The following EPHX2 variants were observed in gnomAD, a reference collection of about 807,000 sequenced individuals.
The protein encoded by EPHX2 is bifunctional epoxide hydrolase 2.
A neutral mutation model predicts 78.7 loss-of-function variants in EPHX2; 74 were observed. That is an observed-to-expected ratio of 0.94 (90% CI 0.78 to 1.14). EPHX2 has a LOEUF of 1.14. Among genes scored for constraint, EPHX2 ranks in the 50% most tolerant of loss-of-function variants. The probability of loss-of-function intolerance (pLI) is 0.00; values close to 1 mark genes in which losing one functional copy is unlikely to be tolerated. For synonymous variants in EPHX2, 251 were observed against 255.2 expected (o/e 0.98, Z 0.16); for missense variants, 715 against 702.5 (o/e 1.02, Z -0.20).
In EPHX2 at chr8:27,541,545, G is replaced by C. The variant is rs1174707241; in HGVS notation, c.1449+3G>C. ...CTTGCAAAAGCTTGGGACGGAAGGT[G>C]AGTGCCAGGTTCAGTGTAGTCTCAT... is the stretch of plus-strand genomic sequence containing the variant. On this transcript the variant is annotated splice_donor_region_variant and intron_variant, in intron 16 of 18. Coordinates refer to ENST00000521400, the MANE Select transcript of EPHX2 (RefSeq NM_001979.6). 6.2e-7 allele frequency: 1 copy of C among 1,614,244 alleles called. No individual in the cohort carries two copies.
intron 12 of EPHX2, among the ~76,000 whole-genome samples, chr8:27,535,529 G>C (rs1815185068): frequency 6.6e-6 from 1 of 152,150 alleles, no homozygotes; most frequent in Non-Finnish European, 1.5e-5. Context: ...CTCCAGGACA[G>C]CTGTTTTCTC....
At chr8:27,500,059 C>T (rs1813708667) in intron 1 of EPHX2, among the ~76,000 whole-genome samples, 1 of 152,204 alleles carries the variant, frequency 6.6e-6, no homozygotes, top group South Asian at 2.1e-4. Flanking sequence ...ACAACCCAGC[C>T]TTAACACAGT....
intron 10 of EPHX2, among the ~76,000 whole-genome samples, chr8:27,522,197 A>G (rs1814672697): frequency 6.6e-6 from 1 of 152,218 alleles, no homozygotes; most frequent in Non-Finnish European, 1.5e-5. Flanking sequence ...GAAGGAACCC[A>G]TGGCCTGTGG....
At chr8:27,533,805 G>A (rs1026221716) in intron 12 of EPHX2, among the ~76,000 whole-genome samples, 1 of 152,026 alleles carries the variant, frequency 6.6e-6, no homozygotes, top group Non-Finnish European at 1.5e-5. Flanking sequence ...GTTCAGGCTG[G>A]TCTTGAACTC....
chr8:27,497,555 C>T (rs919414952), intron 1 of EPHX2, among the ~76,000 whole-genome samples: 2 of 152,118 alleles, frequency 1.3e-5, no homozygotes, highest in African/African-American at 4.8e-5. Flanking sequence ...CCAAGGTTGC[C>T]AGGTTTAATT....
chr8:27,512,464 T>A (rs533508110), intron 6 of EPHX2, among the ~76,000 whole-genome samples: 1 of 152,366 alleles, frequency 6.6e-6, no homozygotes, highest in South Asian at 2.1e-4. Context: ...GGAGCCCACA[T>A]TGAGGGCAAA....
intron 12 of EPHX2, among the ~76,000 whole-genome samples, chr8:27,533,516 C>T (rs987404285): frequency 6.6e-6 from 1 of 152,170 alleles, no homozygotes; most frequent in African/African-American, 2.4e-5. Context: ...TTTCTGGCTC[C>T]CAGCTTCATC....
intron 14 of EPHX2, among the ~76,000 whole-genome samples, chr8:27,540,176 A>G (rs1320326148): frequency 6.6e-6 from 1 of 152,142 alleles, no homozygotes; most frequent in Non-Finnish European, 1.5e-5. Flanking sequence ...CGATATCTCC[A>G]AAGGGCCACA....
intron 13 of EPHX2, among the ~76,000 whole-genome samples, 158 bp downstream of exon 13, chr8:27,537,013 T>TA (rs1815235845): frequency 1.3e-5 from 2 of 152,200 alleles, no homozygotes; most frequent in African/African-American, 4.8e-5. Context: ...TGGGAAAATT[T>TA]ACATCCTCGT....
At chr8:27,520,775 T>G in intron 9 of EPHX2, 108 bp from the exon 10 acceptor site, 1 of 1,318,000 alleles carries the variant, frequency 7.6e-7, no homozygotes, top group Middle Eastern at 1.8e-4. Context: ...CCCTGGGGGT[T>G]AGGACTTCAA....
At chr8:27,512,998 A>T (rs917144106) in intron 6 of EPHX2, among the ~76,000 whole-genome samples, 1 of 152,128 alleles carries the variant, frequency 6.6e-6, no homozygotes, top group Non-Finnish European at 1.5e-5. Flanking sequence ...GACCTTGGGG[A>T]CCCTTGCTGT....
In EPHX2 at chr8:27,518,073, G is replaced by T. The variant is rs1036564154; in HGVS notation, c.945+1G>T. 6.3e-7 allele frequency: 1 copy of T among 1,598,654 alleles called. No individual in the cohort carries two copies. Among genetic ancestry groups the T allele is most frequent in the East Asian group, 2.2e-5 (1 of 44,582 alleles). ...ATATTGCATGGAAGTGTTATGTAAGGTAAGAAGAATCTTGGGTAACATCTT... is the reference window on the plus strand; with the variant it reads ...ATATTGCATGGAAGTGTTATGTAAGTTAAGAAGAATCTTGGGTAACATCTT... On this transcript the variant is annotated splice_donor_variant, in intron 9 of 18. Transcript: ENST00000521400. LOFTEE classifies it high-confidence loss of function.
At chr8:27,495,373 A>G (rs9785169) in intron 1 of EPHX2, among the ~76,000 whole-genome samples, 19,631 of 152,214 alleles carry the variant, frequency 0.13, 1,471 homozygotes, top group African/African-American at 0.22. Flanking sequence ...CCTGCCCTTC[A>G]TATCCCATTC....
intron 2 of EPHX2, 82 bp from the exon 3 acceptor site, chr8:27,503,522 A>G (rs1180959765): frequency 7.0e-7 from 1 of 1,419,718 alleles, no homozygotes; most frequent in African/African-American, 1.4e-5. Flanking sequence ...GTCACAGGGA[A>G]TGTATATGTT....
intron 1 of EPHX2, among the ~76,000 whole-genome samples, chr8:27,494,394 A>G (rs935104806): frequency 2.0e-5 from 3 of 152,238 alleles, no homozygotes; most frequent in Non-Finnish European, 4.4e-5. Context: ...CTGAGTTACC[A>G]TGGCTTTAAA....
intron 5 of EPHX2, among the ~76,000 whole-genome samples, chr8:27,508,080 C>T (rs1374346785): frequency 1.3e-5 from 2 of 152,096 alleles, no homozygotes; most frequent in South Asian, 2.1e-4. Context: ...GTGGGCGGAT[C>T]GGTTGATGTC....
intron 14 of EPHX2, chr8:27,539,130 C>T (rs546288289): frequency 6.0e-6 from 1 of 167,604 alleles, no homozygotes; most frequent in African/African-American, 2.4e-5. Flanking sequence ...TGGAGCTCAT[C>T]CTTGTCTCCC....
At chr8:27,511,963 A>G (rs537267747) in intron 6 of EPHX2, 53 bp downstream of exon 6, 39 of 1,565,856 alleles carry the variant, frequency 2.5e-5, no homozygotes, top group Non-Finnish European at 3.2e-5. Context: ...CAGGTCACCT[A>G]AAACGACCAG....
chr8:27,532,663 G>A (rs865843426), intron 12 of EPHX2, among the ~76,000 whole-genome samples: 2 of 152,176 alleles, frequency 1.3e-5, no homozygotes, highest in Admixed American at 6.5e-5. Context: ...CATCACGCCC[G>A]TCCCTGCCTC....
Sources: gnomAD v4.1 joint callset for allele counts (sites outside exome capture counted in the v4.1 genomes callset) on GRCh38, gnomAD v4.1.1 for gene constraint, MANE v1.5 for transcripts, NCBI Gene and HGNC (gene_info 2026-07-23, HGNC 2026-07-21) for gene names.